ROBO1: variants seen among roughly 807,000 people sequenced by gnomAD.
ROBO1 encodes the protein roundabout guidance receptor 1.
ROBO1 carries 149 observed loss-of-function variants against 195.9 expected under a neutral mutation model. The ratio of observed to expected loss-of-function variants is 0.76; its 90% confidence interval spans 0.67 to 0.87. The LOEUF (loss-of-function observed/expected upper bound fraction) is 0.87, where lower values mean the gene tolerates loss of function less well. ROBO1 is among the 40% of genes least tolerant of loss of function. ROBO1 has a pLI of 0.00. For synonymous variants in ROBO1, 816 were observed against 733.2 expected, an observed-to-expected ratio of 1.11 and a Z score of -1.82; for missense variants, 1,933 against 2,068.3, an observed-to-expected ratio of 0.93 and a Z score of 1.27.
chr3:79,520,160 A>G (rs1423220727), intron 2 of ROBO1, among the ~76,000 whole-genome samples: 1 of 146,466 alleles, frequency 6.8e-6, no homozygotes, highest in Non-Finnish European at 1.5e-5. Context: ...ATTCTATCAA[A>G]AAAAAAAAAA....
chr3:79,115,058 A>G (rs762494019), intron 3 of ROBO1, among the ~76,000 whole-genome samples: 1 of 152,180 alleles, frequency 6.6e-6, no homozygotes, highest in African/African-American at 2.4e-5. Context: ...TCCATCTTCT[A>G]TCTTGTGACT....
chr3:79,042,414 G>A (rs565377017), intron 3 of ROBO1, among the ~76,000 whole-genome samples: 23 of 152,162 alleles, frequency 1.5e-4, no homozygotes, highest in East Asian at 5.8e-4. Flanking sequence ...TTCCGATGGC[G>A]GTCGCACAGC....
chr3:79,567,669 T>C (rs1234415101), intron 2 of ROBO1, among the ~76,000 whole-genome samples: 1 of 152,184 alleles, frequency 6.6e-6, no homozygotes, highest in Admixed American at 6.6e-5. Flanking sequence ...ACCGTACCCA[T>C]ATGATATTCC....
chr3:79,416,308 G>A (rs974107057), intron 2 of ROBO1, among the ~76,000 whole-genome samples: 13 of 151,642 alleles, frequency 8.6e-5, no homozygotes, highest in African/African-American at 2.2e-4. Flanking sequence ...GTATAGATAC[G>A]AAAGAGGTAA....
At chr3:79,737,516 A>G (rs1703438420) in intron 1 of ROBO1, among the ~76,000 whole-genome samples, 2 of 152,352 alleles carry the variant, frequency 1.3e-5, no homozygotes, top group South Asian at 4.1e-4. Flanking sequence ...CACAGAAGTG[A>G]GCAAAAGAAA....
rs562808202 is a variant in ROBO1, at chr3:78,777,790, T to A, written c.500-30890A>T. On this transcript the variant is annotated intron_variant, in intron 4 of 30. Coordinates refer to ENST00000464233, the MANE Select transcript of ROBO1 (RefSeq NM_002941.4). ...TCATGCCATCTGCAAACAGAGACGA[T>A]TTGACTTCCTCTCTTACTATTTGAA... Among the ~76,000 whole-genome samples, 24 of 152,298 alleles carry A rather than the reference T, an allele frequency of 1.6e-4. No homozygotes were observed. The East Asian group carries it at 4.4e-3, about 28-fold the overall frequency.
chr3:78,683,414 A>G (rs1350604383), intron 10 of ROBO1, among the ~76,000 whole-genome samples: 1 of 152,082 alleles, frequency 6.6e-6, no homozygotes, highest in Non-Finnish European at 1.5e-5. Flanking sequence ...AAATTTTCAC[A>G]AGTTTATTTT....
At position 78,846,789 on chromosome 3, in the gene ROBO1, A is replaced by G. The variant is rs114927590; in HGVS notation, c.499+91812T>C. 5.4e-3 allele frequency among the ~76,000 whole-genome samples: 817 copies of G among 152,282 alleles called. 5 individuals are homozygous for G. Among genetic ancestry groups the G allele is most frequent in the Middle Eastern group, 0.031 (9 of 294 alleles). On this transcript the variant is annotated intron_variant, in intron 4 of 30. Coordinates refer to ENST00000464233, the MANE Select transcript of ROBO1 (RefSeq NM_002941.4). The stretch of plus-strand genomic sequence containing the variant: ...AAATGGAAACATTCATTTAAAGTAT[A>G]TAAGTGGTGTACTTTTAAAGAACCT...
chr3:79,442,276 T>C (rs2039082627), intron 2 of ROBO1, among the ~76,000 whole-genome samples: 1 of 152,134 alleles, frequency 6.6e-6, no homozygotes, highest in East Asian at 1.9e-4. Flanking sequence ...AGTAGAGATA[T>C]AAGAAAACTC....
rs112624821 is a variant in ROBO1, at chr3:79,688,731, G to C, written c.-51+79021C>G. Among the ~76,000 whole-genome samples, 1,173 of 151,908 alleles carry C rather than the reference G, an allele frequency of 7.7e-3. 15 individuals are homozygous for C. The highest frequency in any genetic ancestry group is 0.025 in the African/African-American group (1,054 of 41,458). On this transcript the variant is annotated intron_variant, in intron 1 of 30. Transcript: ENST00000464233. ...TCAAATCAAAACTATCGCCTGTTTT[G>C]TTGGGACTGACAGAAGTTTTATTAA...
At chr3:78,934,301 A>G (rs896179470) in intron 4 of ROBO1, among the ~76,000 whole-genome samples, 6 of 151,988 alleles carry the variant, frequency 3.9e-5, no homozygotes, top group African/African-American at 7.2e-5. Flanking sequence ...TACATTTTAC[A>G]GTATACGTGT....
At chr3:78,629,315 A>G (rs368974626) in intron 25 of ROBO1, among the ~76,000 whole-genome samples, 2 of 151,670 alleles carry the variant, frequency 1.3e-5, no homozygotes, top group African/African-American at 4.8e-5. Flanking sequence ...TTTAAAAAAA[A>G]CCTATATTCA....
chr3:79,163,833 A>G (rs905820347), intron 2 of ROBO1, among the ~76,000 whole-genome samples: 5 of 152,178 alleles, frequency 3.3e-5, no homozygotes, highest in Non-Finnish European at 7.4e-5. Flanking sequence ...TACTTTAGAC[A>G]GATAAACAAA....
chr3:78,685,703 A>T, intron 10 of ROBO1, 43 bp downstream of exon 10: 1 of 1,446,980 alleles, frequency 6.9e-7, no homozygotes, highest in Non-Finnish European at 9.4e-7. Context: ...CTGGATCCTA[A>T]GTCAAACTTG....
intron 2 of ROBO1, among the ~76,000 whole-genome samples, chr3:79,541,290 A>T (rs559953246): frequency 6.9e-4 from 105 of 152,214 alleles, no homozygotes; most frequent in Admixed American, 3.3e-3. Flanking sequence ...AAGTGACGTG[A>T]CAGGCCAATT....
intron 1 of ROBO1, among the ~76,000 whole-genome samples, chr3:79,670,366 A>G (rs539353039): frequency 1.6e-4 from 25 of 151,902 alleles, no homozygotes; most frequent in Non-Finnish European, 2.9e-4. Flanking sequence ...GGTCTTTTAT[A>G]TGAAATTGCG....
At chr3:79,602,541 C>G (rs1251967246) in intron 1 of ROBO1, among the ~76,000 whole-genome samples, 1 of 151,942 alleles carries the variant, frequency 6.6e-6, no homozygotes, top group East Asian at 1.9e-4. Context: ...TGATAAACAC[C>G]TAATTACTAA....
intron 2 of ROBO1, among the ~76,000 whole-genome samples, chr3:79,184,082 T>C (rs554310033): frequency 2.0e-5 from 3 of 152,288 alleles, no homozygotes; most frequent in African/African-American, 7.2e-5. Flanking sequence ...TCTTTTAATA[T>C]TTTCTGGTCT....
chr3:79,355,743 T>C (rs1436523386), intron 2 of ROBO1, among the ~76,000 whole-genome samples: 1 of 152,200 alleles, frequency 6.6e-6, no homozygotes, highest in African/African-American at 2.4e-5. Flanking sequence ...CAGGATTTTA[T>C]TCTTTTTATG....
Sources: gnomAD v4.1 joint callset for allele counts (sites outside exome capture counted in the v4.1 genomes callset) on GRCh38, gnomAD v4.1.1 for gene constraint, MANE v1.5 for transcripts, NCBI Gene and HGNC (gene_info 2026-07-23, HGNC 2026-07-21) for gene names.